The following TMEM178B variants were observed in gnomAD, a reference collection of about 807,000 sequenced individuals.
TMEM178B encodes transmembrane protein 178B.
TMEM178B carries 5 observed loss-of-function variants against 31.0 expected under a neutral mutation model. The observed-to-expected ratio is 0.16, with a 90% CI of 0.08 to 0.34. TMEM178B has a LOEUF of 0.34. TMEM178B is among the 10% of genes least tolerant of loss of function. TMEM178B has a pLI of 1.00. For missense variants in TMEM178B, 275 were observed against 400.3 expected (o/e 0.69, Z 2.67); for synonymous variants, 164 against 164.0 (o/e 1.00, Z 0.00).
At chr7:141,090,901 T>G (rs1402752533) in intron 1 of TMEM178B, among the ~76,000 whole-genome samples, 2 of 152,216 alleles carry the variant, frequency 1.3e-5, no homozygotes, top group Non-Finnish European at 2.9e-5. Flanking sequence ...CCAGGTCATC[T>G]CACAGTCAGG....
At chr7:141,433,103 C>T (rs1275214196) in intron 2 of TMEM178B, among the ~76,000 whole-genome samples, 1 of 152,188 alleles carries the variant, frequency 6.6e-6, no homozygotes, top group African/African-American at 2.4e-5. Flanking sequence ...AATACCCTGA[C>T]CCTCAACTGT....
chr7:141,372,031 T>C (rs1800126308), intron 2 of TMEM178B, among the ~76,000 whole-genome samples: 1 of 152,144 alleles, frequency 6.6e-6, no homozygotes, highest in South Asian at 2.1e-4. Context: ...ATCCCCCACA[T>C]CCTTTCTCCT....
intron 2 of TMEM178B, among the ~76,000 whole-genome samples, chr7:141,365,765 G>C (rs1398503968): frequency 6.6e-6 from 1 of 152,098 alleles, no homozygotes; most frequent in African/African-American, 2.4e-5. Context: ...AGTCATATTG[G>C]ATTAAGGGCC....
chr7:141,186,646 C>T (rs568835497), intron 1 of TMEM178B, among the ~76,000 whole-genome samples: 13 of 152,332 alleles, frequency 8.5e-5, no homozygotes, highest in South Asian at 2.1e-4. Context: ...TGATCAGCCT[C>T]GTTCAACATC....
chr7:141,280,893 A>G (rs562437260), intron 2 of TMEM178B, among the ~76,000 whole-genome samples: 1 of 152,314 alleles, frequency 6.6e-6, no homozygotes, highest in African/African-American at 2.4e-5. Flanking sequence ...GTTTTCCTGC[A>G]AAGCATTCTG....
chr7:141,328,984 C>A (rs1586894723), intron 2 of TMEM178B, among the ~76,000 whole-genome samples: 1 of 152,086 alleles, frequency 6.6e-6, no homozygotes, highest in East Asian at 1.9e-4. Flanking sequence ...GTGCTTCCTT[C>A]CTGATTGGCC....
rs553884190 is a variant in TMEM178B at position 141,377,473 on chromosome 7, C to G, written c.497-60135C>G. On this transcript the variant is annotated intron_variant, in intron 2 of 3. Coordinates refer to ENST00000565468, the MANE Select transcript of TMEM178B (RefSeq NM_001195278.2). ...CTATTTTAAGAAATCACTTCGTGAC[C>G]AGCCTGGCCAACATGGTGAAACCCT... Among the ~76,000 whole-genome samples, 8 of 152,108 alleles carry G rather than the reference C, an allele frequency of 5.3e-5. No homozygotes were observed. In the South Asian group the frequency reaches 1.7e-3, roughly 32 times the overall value.
chr7:141,246,280 G>C (rs1166030124), intron 2 of TMEM178B, among the ~76,000 whole-genome samples: 9 of 152,090 alleles, frequency 5.9e-5, no homozygotes, highest in African/African-American at 2.2e-4. Flanking sequence ...ATTACTTCTT[G>C]AGTAAAATGA....
intron 1 of TMEM178B, among the ~76,000 whole-genome samples, chr7:141,100,892 G>A (rs1169124396): frequency 2.0e-5 from 3 of 152,146 alleles, no homozygotes; most frequent in African/African-American, 7.2e-5. Flanking sequence ...AGGCCCAAAT[G>A]TAAAGTACTA....
chr7:141,331,442 G>A (rs1799299024), intron 2 of TMEM178B, among the ~76,000 whole-genome samples: 1 of 152,068 alleles, frequency 6.6e-6, no homozygotes, highest in Non-Finnish European at 1.5e-5. Context: ...GAGGAAATGA[G>A]GAAATGCAAC....
chr7:141,088,000 G>C (rs1041031362), intron 1 of TMEM178B, among the ~76,000 whole-genome samples: 1 of 152,158 alleles, frequency 6.6e-6, no homozygotes, highest in Non-Finnish European at 1.5e-5. Context: ...GGTAACCACA[G>C]GGCTGGAAGA....
At chr7:141,392,097 A>G (rs187071181) in intron 2 of TMEM178B, among the ~76,000 whole-genome samples, 2 of 151,716 alleles carry the variant, frequency 1.3e-5, no homozygotes, top group Admixed American at 6.6e-5. Context: ...TTGTTTTATT[A>G]TGAAAAATTT....
intron 2 of TMEM178B, among the ~76,000 whole-genome samples, chr7:141,317,727 T>C (rs1799031120): frequency 6.6e-6 from 1 of 152,196 alleles, no homozygotes; most frequent in Non-Finnish European, 1.5e-5. Context: ...AGTTATTTTA[T>C]TCCAAGATAT....
At chr7:141,264,518 G>C (rs1359785084) in intron 2 of TMEM178B, among the ~76,000 whole-genome samples, 2 of 152,212 alleles carry the variant, frequency 1.3e-5, no homozygotes, top group Non-Finnish European at 2.9e-5. Flanking sequence ...GGAAGTGACT[G>C]TAGCTGGCAA....
At chr7:141,146,986 T>C (rs1337556622) in intron 1 of TMEM178B, among the ~76,000 whole-genome samples, 9 of 152,228 alleles carry the variant, frequency 5.9e-5, no homozygotes, top group African/African-American at 2.2e-4. Flanking sequence ...AGAGAATGAC[T>C]ATTACATGCA....
chr7:141,455,642 C>T (rs1466077161), intron 3 of TMEM178B, among the ~76,000 whole-genome samples: 1 of 152,236 alleles, frequency 6.6e-6, no homozygotes, highest in Non-Finnish European at 1.5e-5. Context: ...TACAACGTTG[C>T]TTCGAGGATT....
chr7:141,092,295 C>A (rs1409212133), intron 1 of TMEM178B, among the ~76,000 whole-genome samples: 1 of 152,066 alleles, frequency 6.6e-6, no homozygotes, highest in South Asian at 2.1e-4. Flanking sequence ...GAAAAGTAAA[C>A]GCCCTGGAAA....
At chr7:141,302,800 A>C (rs954769106) in intron 2 of TMEM178B, among the ~76,000 whole-genome samples, 5 of 152,186 alleles carry the variant, frequency 3.3e-5, no homozygotes, top group Non-Finnish European at 4.4e-5. Flanking sequence ...ACAGAATTAG[A>C]AAAGATTTCT....
intron 1 of TMEM178B, among the ~76,000 whole-genome samples, chr7:141,126,196 A>G (rs1795492407): frequency 6.6e-6 from 1 of 152,150 alleles, no homozygotes; most frequent in Middle Eastern, 3.2e-3. Flanking sequence ...CTGAGAGGAC[A>G]TTTGGTTTGC....
Sources: allele counts gnomAD v4.1 joint callset (sites outside exome capture counted in the v4.1 genomes callset), GRCh38; gene constraint gnomAD v4.1.1; transcripts MANE v1.5; gene names NCBI Gene and HGNC (gene_info 2026-07-23, HGNC 2026-07-21).